PRDM5: variants seen among roughly 807,000 people sequenced by gnomAD.
The protein encoded by PRDM5 is PR/SET domain 5.
A neutral mutation model predicts 81.2 loss-of-function variants in PRDM5; 56 were observed. That is an observed-to-expected ratio of 0.69 (90% CI 0.56 to 0.86). PRDM5 has a LOEUF of 0.86. Ranked by LOEUF, PRDM5 falls within the 40% of genes least tolerant of loss-of-function variation. The pLI, the probability that PRDM5 is intolerant of heterozygous loss-of-function variation, is 0.00. For missense variants in PRDM5, 697 were observed against 770.1 expected, an observed-to-expected ratio of 0.91 and a Z score of 1.12; for synonymous variants, 267 against 256.4, an observed-to-expected ratio of 1.04 and a Z score of -0.39.
intron 14 of PRDM5, among the ~76,000 whole-genome samples, chr4:120,743,199 A>G (rs1742366669): frequency 6.6e-6 from 1 of 151,640 alleles, no homozygotes; most frequent in African/African-American, 2.4e-5. Context: ...AGTGAAGGAG[A>G]AATAAAATAC....
intron 13 of PRDM5, among the ~76,000 whole-genome samples, chr4:120,770,276 AC>A (rs974326511): frequency 7.2e-5 from 11 of 152,116 alleles, no homozygotes; most frequent in African/African-American, 2.6e-4. Flanking sequence ...TGATCTGCCC[AC>A]CTCAACCTCC....
At chr4:120,725,866 TCTG>T (rs1005436478) in intron 14 of PRDM5, among the ~76,000 whole-genome samples, 1 of 152,088 alleles carries the variant, frequency 6.6e-6, no homozygotes, top group Non-Finnish European at 1.5e-5. Context: ...TAAGAAGAAT[TCTG>T]CTAACACAAT....
intron 14 of PRDM5, among the ~76,000 whole-genome samples, chr4:120,720,368 A>T (rs1471495769): frequency 6.6e-6 from 1 of 152,128 alleles, no homozygotes; most frequent in Non-Finnish European, 1.5e-5. Flanking sequence ...GTCAGGTAAG[A>T]TTAGTAATCT....
At chr4:120,800,811 G>A (rs1752024076) in intron 8 of PRDM5, among the ~76,000 whole-genome samples, 1 of 152,018 alleles carries the variant, frequency 6.6e-6, no homozygotes, top group Non-Finnish European at 1.5e-5. Context: ...ATCACATTAT[G>A]TTGTATAACT....
downstream of PRDM5, among the ~76,000 whole-genome samples, chr4:120,687,612 T>TCTCA (rs1417478652): frequency 6.6e-6 from 1 of 152,142 alleles, no homozygotes; most frequent in African/African-American, 2.4e-5. Context: ...GAAATCCAGT[T>TCTCA]CTCAATTCTT....
At position 120,720,857 on chromosome 4, in the gene PRDM5, T is replaced by C. The variant is rs146988773; in HGVS notation, c.1624-10444A>G. Among the ~76,000 whole-genome samples, 8 of 152,328 alleles carry C rather than the reference T, an allele frequency of 5.3e-5. No individual in the cohort carries two copies. The East Asian group carries it at 1.3e-3, about 26-fold the overall frequency. Reference sequence around the variant, plus strand: ...TAACACATCCATAATTGGTTTTGCATTGTAGCTAATGAAAAACACACTTCT... The same window carrying C: ...TAACACATCCATAATTGGTTTTGCACTGTAGCTAATGAAAAACACACTTCT... On this transcript the variant is annotated intron_variant, in intron 14 of 15. Coordinates refer to ENST00000264808, the MANE Select transcript of PRDM5 (RefSeq NM_018699.4).
At chr4:120,832,372 T>A (rs1756823456) in intron 3 of PRDM5, among the ~76,000 whole-genome samples, 1 of 152,076 alleles carries the variant, frequency 6.6e-6, no homozygotes, top group Non-Finnish European at 1.5e-5. Flanking sequence ...CAATTATCTC[T>A]ACCTGATTCC....
chr4:120,830,684 C>T (rs1423936816), intron 3 of PRDM5, among the ~76,000 whole-genome samples: 1 of 152,010 alleles, frequency 6.6e-6, no homozygotes, highest in Non-Finnish European at 1.5e-5. Flanking sequence ...GCAGGATACA[C>T]TGATTCATGT....
chr4:120,697,953 T>C (rs11727721), intron 15 of PRDM5, among the ~76,000 whole-genome samples: 1 of 21,226 alleles, frequency 4.7e-5, no homozygotes, highest in African/African-American at 6.3e-5. Context: ...AGTATACAAA[T>C]AAAATAAAAT....
At chr4:120,718,972 A>T (rs114177741) in intron 14 of PRDM5, among the ~76,000 whole-genome samples, 1,941 of 152,322 alleles carry the variant, frequency 0.013, 44 homozygotes, top group African/African-American at 0.044. Flanking sequence ...AACTGTGAGG[A>T]AGATTACAGA....
intron 2 of PRDM5, among the ~76,000 whole-genome samples, chr4:120,868,157 C>T (rs1055229265): frequency 3.3e-5 from 5 of 152,068 alleles, no homozygotes; most frequent in African/African-American, 7.2e-5. Context: ...AGTTCTTGGG[C>T]TTTTTTACCT....
chr4:120,893,379 G>A (rs1056052324), intron 2 of PRDM5, among the ~76,000 whole-genome samples: 4 of 152,136 alleles, frequency 2.6e-5, no homozygotes, highest in African/African-American at 7.2e-5. Context: ...TGGCCAGCAG[G>A]GTCAGTATTC....
intron 13 of PRDM5, among the ~76,000 whole-genome samples, chr4:120,776,066 T>A (rs1350645800): frequency 6.6e-6 from 1 of 152,144 alleles, no homozygotes; most frequent in East Asian, 1.9e-4. Flanking sequence ...ATTTTGGGGC[T>A]CTCTGCTTCT....
intron 2 of PRDM5, among the ~76,000 whole-genome samples, chr4:120,899,948 G>C (rs1403133532): frequency 1.3e-5 from 2 of 152,146 alleles, no homozygotes; most frequent in Non-Finnish European, 2.9e-5. Flanking sequence ...ATATTAATAA[G>C]GGATATTCCA....
chr4:120,919,048 C>G (rs1270819114), intron 1 of PRDM5, among the ~76,000 whole-genome samples: 1 of 152,188 alleles, frequency 6.6e-6, no homozygotes, highest in Non-Finnish European at 1.5e-5. Context: ...CAGGCTGGCT[C>G]TCTGCACTTC....
rs569531473 is a variant in PRDM5, at chr4:120,754,286, A to G, written c.1623+267T>C. Among the ~76,000 whole-genome samples the G allele has an allele frequency of 3.9e-5, 6 of 152,326 alleles. No homozygotes were observed. In the South Asian group the frequency reaches 1.2e-3, roughly 32 times the overall value. On this transcript the variant is annotated intron_variant, in intron 14 of 15. Transcript: ENST00000264808. ...AGTATTAAAATTTTAAAATCTATTT[A>G]TCTTGAAGTTCATCATTTATAACTC...
intron 2 of PRDM5, among the ~76,000 whole-genome samples, chr4:120,863,189 T>TAA (rs1232966826): frequency 2.7e-5 from 1 of 37,348 alleles, no homozygotes; most frequent in Non-Finnish European, 7.1e-5. Flanking sequence ...TATATATATA[T>TAA]ATACACACAC....
intron 10 of PRDM5, among the ~76,000 whole-genome samples, chr4:120,797,046 A>G (rs1054882717): frequency 6.6e-6 from 1 of 152,214 alleles, no homozygotes; most frequent in Non-Finnish European, 1.5e-5. Flanking sequence ...TATTATCTAC[A>G]TGATACATTC....
chr4:120,708,714 TGTA>T (rs1736539163), intron 15 of PRDM5, among the ~76,000 whole-genome samples: 1 of 152,134 alleles, frequency 6.6e-6, no homozygotes, highest in African/African-American at 2.4e-5. Flanking sequence ...GGAGACTGCA[TGTA>T]GATGAAACAG....
Sources: allele counts gnomAD v4.1 joint callset (sites outside exome capture counted in the v4.1 genomes callset), GRCh38; gene constraint gnomAD v4.1.1; transcripts MANE v1.5; gene names NCBI Gene and HGNC (gene_info 2026-07-23, HGNC 2026-07-21).